Variants in ZMYND11 observed in about 807,000 individuals in gnomAD.
ZMYND11 encodes zinc finger MYND-type containing 11.
ZMYND11 carries 9 observed loss-of-function variants against 84.9 expected under a neutral mutation model. That is an observed-to-expected ratio of 0.11 (90% CI 0.06 to 0.18). ZMYND11 has a LOEUF of 0.18. Ranked by LOEUF, ZMYND11 falls within the 10% of genes least tolerant of loss-of-function variation. The pLI is 1.00. For synonymous variants in ZMYND11, 250 were observed against 244.1 expected, an observed-to-expected ratio of 1.02 and a Z score of -0.23; for missense variants, 409 against 761.0, an observed-to-expected ratio of 0.54 and a Z score of 5.44.
chr10:220,812 C>A (rs1321900062), intron 3 of ZMYND11, among the ~76,000 whole-genome samples: 1 of 152,058 alleles, frequency 6.6e-6, no homozygotes, highest in Non-Finnish European at 1.5e-5. Context: ...TAAAGCAGAA[C>A]AAAACAAAGG....
intron 4 of ZMYND11, among the ~76,000 whole-genome samples, chr10:228,351 C>G (rs758516761): frequency 6.6e-6 from 1 of 152,074 alleles, no homozygotes; most frequent in East Asian, 1.9e-4. Flanking sequence ...GAATCTTATT[C>G]GAAGTTTATC....
At chr10:247,149 C>T in intron 11 of ZMYND11, 176 bp downstream of exon 11, 1 of 780,022 alleles carries the variant, frequency 1.3e-6, no homozygotes. Context: ...ATAGATGTAA[C>T]AATCAATGAC....
chr10:153,855 A>G (rs1841009989), intron 1 of ZMYND11, among the ~76,000 whole-genome samples: 1 of 152,202 alleles, frequency 6.6e-6, no homozygotes, highest in South Asian at 2.1e-4. Context: ...TGTAACCTTT[A>G]GCAAATATTA....
chr10:248,614 G>T lies in ZMYND11; in HGVS notation c.1500+6G>T, dbSNP rs983250318. The T allele has an allele frequency of 6.3e-7, 1 of 1,592,344 alleles. No individual in the cohort carries two copies. The highest frequency in any genetic ancestry group is 1.3e-5 in the African/African-American group (1 of 74,690). On this transcript the variant is annotated splice_donor_region_variant and intron_variant, in intron 13 of 14. Coordinates refer to ENST00000381604, the MANE Select transcript of ZMYND11 (RefSeq NM_001370100.5). ...TCCGAGAAGCTCTGGAGAAGGTAATGCTTGTCGCCACTGTGGGTGCCCTGC... is the reference window on the plus strand; with the variant it reads ...TCCGAGAAGCTCTGGAGAAGGTAATTCTTGTCGCCACTGTGGGTGCCCTGC...
At position 245,261 on chromosome 10, in the gene ZMYND11, A is replaced by G. The variant is rs1371223756; in HGVS notation, c.951-1505A>G. 3.3e-5 allele frequency among the ~76,000 whole-genome samples: 5 copies of G among 152,338 alleles called. No individual in the cohort carries two copies. In the Middle Eastern group the frequency reaches 0.014, roughly 415 times the overall value. On this transcript the variant is annotated intron_variant, in intron 10 of 14. Coordinates refer to ENST00000381604, the MANE Select transcript of ZMYND11 (RefSeq NM_001370100.5). ...ATGTTATGGAAGTTCAACTCTAACA[A>G]TTTTAGCTGTTGTTAGCATCTAATG...
intron 2 of ZMYND11, among the ~76,000 whole-genome samples, chr10:186,444 T>G (rs1279686379): frequency 1.3e-5 from 2 of 151,582 alleles, no homozygotes; most frequent in Non-Finnish European, 1.5e-5. Flanking sequence ...AGTTCGAGAC[T>G]AGCCTGGCCA....
chr10:166,374 A>G (rs1222357384), intron 1 of ZMYND11, among the ~76,000 whole-genome samples: 1 of 152,170 alleles, frequency 6.6e-6, no homozygotes, highest in Non-Finnish European at 1.5e-5. Flanking sequence ...TCTAGAATAT[A>G]TAAAGAACAC....
At chr10:198,590 T>G (rs769819195) in intron 2 of ZMYND11, among the ~76,000 whole-genome samples, 1 of 152,200 alleles carries the variant, frequency 6.6e-6, no homozygotes, top group South Asian at 2.1e-4. Context: ...TTTAGTGTTA[T>G]GAAAACTAAA....
At chr10:153,438 T>G (rs1224820087) in intron 1 of ZMYND11, among the ~76,000 whole-genome samples, 1 of 152,244 alleles carries the variant, frequency 6.6e-6, no homozygotes, top group Non-Finnish European at 1.5e-5. Flanking sequence ...AGGATCACAG[T>G]AATCCCTGAT....
chr10:140,905 C>G (rs561066796), intron 1 of ZMYND11, among the ~76,000 whole-genome samples: 1 of 152,210 alleles, frequency 6.6e-6, no homozygotes, highest in South Asian at 2.1e-4. Context: ...AAAAGTTTGC[C>G]CACTTTTATG....
intron 2 of ZMYND11, among the ~76,000 whole-genome samples, chr10:183,229 T>G (rs564193165): frequency 6.6e-6 from 1 of 151,956 alleles, no homozygotes; most frequent in South Asian, 2.1e-4. Flanking sequence ...TGTTGGTTTT[T>G]TTTTTTTTTT....
Position 173,553 on chromosome 10 carries a change from A to G in ZMYND11, c.-19-6441A>G, listed in dbSNP as rs576413976. ...TAACATAGCATAATCCTGCCTCTCCAAAACATTAACAAATAAAACATGAGC... is the reference window on the plus strand; with the variant it reads ...TAACATAGCATAATCCTGCCTCTCCGAAACATTAACAAATAAAACATGAGC... On this transcript the variant is annotated intron_variant, in intron 1 of 14. Transcript: ENST00000381604. Among the ~76,000 whole-genome samples the G allele has an allele frequency of 1.1e-4, 17 of 152,232 alleles. No individual in the cohort carries two copies. In the East Asian group the frequency reaches 2.9e-3, roughly 26 times the overall value.
At chr10:206,825 A>G (rs1326064204) in intron 2 of ZMYND11, among the ~76,000 whole-genome samples, 2 of 151,880 alleles carry the variant, frequency 1.3e-5, no homozygotes. Context: ...GAAATGTTTT[A>G]ATTTTTATTT....
chr10:162,562 T>A (rs1843154734), intron 1 of ZMYND11, among the ~76,000 whole-genome samples: 1 of 152,152 alleles, frequency 6.6e-6, no homozygotes, highest in African/African-American at 2.4e-5. Context: ...GTTTTTTATA[T>A]GAATGAATGT....
At chr10:231,629 G>GCC (rs1267526973) in intron 4 of ZMYND11, among the ~76,000 whole-genome samples, 2 of 152,138 alleles carry the variant, frequency 1.3e-5, no homozygotes, top group African/African-American at 4.8e-5. Flanking sequence ...ATCAGGAGTG[G>GCC]CCAATAGTGT....
chr10:201,929 C>G (rs1428528663), intron 2 of ZMYND11, among the ~76,000 whole-genome samples: 1 of 152,176 alleles, frequency 6.6e-6, no homozygotes, highest in African/African-American at 2.4e-5. Context: ...CAGTGTATCT[C>G]AAACCCAAAT....
At chr10:147,082 A>G (rs782413980) in intron 1 of ZMYND11, among the ~76,000 whole-genome samples, 1 of 152,252 alleles carries the variant, frequency 6.6e-6, no homozygotes, top group Non-Finnish European at 1.5e-5. Flanking sequence ...AGCACTACCA[A>G]TTTGTGTACA....
Position 249,247 on chromosome 10 carries a change from C to T in ZMYND11, c.1686+159C>T. On this transcript the variant is annotated intron_variant, in intron 14 of 14. Transcript: ENST00000381604. ...TAGTTTTAAAAATTTTATTAAAAGT[C>T]CTATGATCTCTCAACCCCAGATCCC... The T allele has an allele frequency of 2.1e-6, 3 of 1,454,122 alleles. No individual in the cohort carries two copies. The South Asian group carries it at 4.5e-5, about 22-fold the overall frequency. The allele number at this position is 1,454,122 out of a possible 1,614,324, so 90.1% of individuals were successfully genotyped here. A position where few individuals can be genotyped will look rare whatever the true frequency, so the allele number is the denominator to read the frequency against.
chr10:228,682 G>A (rs1010809040), intron 4 of ZMYND11, among the ~76,000 whole-genome samples: 55 of 152,160 alleles, frequency 3.6e-4, no homozygotes, highest in Non-Finnish European at 3.8e-4. Flanking sequence ...GATTTATTCC[G>A]CTGAAGAACG....
Sources: gnomAD v4.1 joint callset for allele counts (sites outside exome capture counted in the v4.1 genomes callset) on GRCh38, gnomAD v4.1.1 for gene constraint, MANE v1.5 for transcripts, NCBI Gene and HGNC (gene_info 2026-07-23, HGNC 2026-07-21) for gene names.